The following ZBTB20 variants were observed in gnomAD, a reference collection of about 807,000 sequenced individuals.
ZBTB20 encodes zinc finger and BTB domain containing 20, also known as zinc finger and BTB domain-containing protein 20.
In ZBTB20, 9 loss-of-function variants were observed where a neutral mutation model predicts 56.9. That is an observed-to-expected ratio of 0.16 (90% CI 0.10 to 0.28). The LOEUF is 0.28. Ranked by LOEUF, ZBTB20 falls within the 10% of genes least tolerant of loss-of-function variation. The pLI is 1.00. For synonymous variants in ZBTB20, 417 were observed against 420.7 expected (o/e 0.99, Z 0.11); for missense variants, 655 against 1,003.0 (o/e 0.65, Z 4.69).
chr3:115,076,651 G>A (rs2082606372), intron 1 of ZBTB20, among the ~76,000 whole-genome samples: 1 of 152,158 alleles, frequency 6.6e-6, no homozygotes, highest in African/African-American at 2.4e-5. Flanking sequence ...TTTCATGGCT[G>A]TAACATCAAA....
chr3:114,434,264 ATCAAAATGTCTT>A (rs2090340376), intron 7 of ZBTB20, among the ~76,000 whole-genome samples: 1 of 152,140 alleles, frequency 6.6e-6, no homozygotes, highest in Admixed American at 6.5e-5. Context: ...CGGTAGGGGT[ATCAAAATGTCTT>A]TCAAAACAGC....
At chr3:115,022,383 G>GTA in intron 2 of ZBTB20, among the ~76,000 whole-genome samples, 1 of 150,968 alleles carries the variant, frequency 6.6e-6, no homozygotes, top group Non-Finnish European at 1.5e-5. Context: ...TCTTTAAACA[G>GTA]TATAGCTATT....
chr3:114,488,706 T>C (rs2042406110), intron 7 of ZBTB20, among the ~76,000 whole-genome samples: 1 of 152,212 alleles, frequency 6.6e-6, no homozygotes, highest in Non-Finnish European at 1.5e-5. Flanking sequence ...CTATAATTAA[T>C]TGATCCTAAG....
chr3:114,487,119 C>T (rs1021157989), intron 7 of ZBTB20, among the ~76,000 whole-genome samples: 3 of 152,132 alleles, frequency 2.0e-5, no homozygotes, highest in African/African-American at 7.2e-5. Context: ...CATTTAAAAT[C>T]TCCCTCGAAC....
chr3:114,876,712 C>G (rs2076214150), intron 4 of ZBTB20, among the ~76,000 whole-genome samples: 1 of 152,064 alleles, frequency 6.6e-6, no homozygotes. Flanking sequence ...TAATTTGGGA[C>G]TACAACATAA....
intron 5 of ZBTB20, among the ~76,000 whole-genome samples, chr3:114,749,568 A>AAAGGAAGGAAGGAAGG (rs71146333): frequency 0.018 from 2,423 of 135,922 alleles, 39 homozygotes; most frequent in Middle Eastern, 0.045. Context: ...GAAAGAAAGA[A>AAAGGAAGGAAGGAAGG]AAGGAAGGAA....
chr3:114,799,881 G>C (rs2071591268), intron 5 of ZBTB20, among the ~76,000 whole-genome samples: 1 of 151,838 alleles, frequency 6.6e-6, no homozygotes, highest in Non-Finnish European at 1.5e-5. Flanking sequence ...TCAGACCATA[G>C]GCAGAGACAT....
rs1326163414 is a variant in ZBTB20 at position 114,899,543 on chromosome 3, A to G, written c.-417+761T>C. Among the ~76,000 whole-genome samples, 3 of 152,172 alleles carry G rather than the reference A, an allele frequency of 2.0e-5. No individual in the cohort carries two copies. The East Asian group carries it at 5.8e-4, about 29-fold the overall frequency. On this transcript the variant is annotated intron_variant, in intron 4 of 11. Coordinates refer to ENST00000675478, the MANE Select transcript of ZBTB20 (RefSeq NM_001348800.3). Reference sequence around the variant, plus strand: ...ACAGCTACTAAAAAAAAAATATTTGAGTCATAAAACAGAGGATTTAAAGAA... The same window carrying G: ...ACAGCTACTAAAAAAAAAATATTTGGGTCATAAAACAGAGGATTTAAAGAA...
chr3:114,681,142 C>T (rs1342384133), intron 6 of ZBTB20, among the ~76,000 whole-genome samples: 1 of 149,702 alleles, frequency 6.7e-6, no homozygotes, highest in Non-Finnish European at 1.5e-5. Flanking sequence ...TAATTAAAAA[C>T]ATAACTGAGC....
At chr3:114,409,527 C>T (rs763524250) in intron 7 of ZBTB20, among the ~76,000 whole-genome samples, 2 of 151,878 alleles carry the variant, frequency 1.3e-5, no homozygotes, top group Non-Finnish European at 2.9e-5. Context: ...GGGGGACAGG[C>T]GAGAGCTCCA....
intron 4 of ZBTB20, among the ~76,000 whole-genome samples, chr3:114,850,747 T>G (rs2074960206): frequency 1.3e-5 from 2 of 152,188 alleles, no homozygotes; most frequent in African/African-American, 4.8e-5. Flanking sequence ...AAACTGTATA[T>G]TCCCTGAGGC....
At chr3:115,095,154 T>C (rs551545935) in intron 1 of ZBTB20, among the ~76,000 whole-genome samples, 1 of 152,114 alleles carries the variant, frequency 6.6e-6, no homozygotes, top group Non-Finnish European at 1.5e-5. Context: ...ACATTTTCTA[T>C]CAGAGTTTCA....
At chr3:114,996,462 G>C (rs2079032227) in intron 2 of ZBTB20, among the ~76,000 whole-genome samples, 2 of 151,780 alleles carry the variant, frequency 1.3e-5, no homozygotes, top group Admixed American at 1.3e-4. Context: ...GTGGTGTCTG[G>C]TTTTCTGTTC....
chr3:115,070,046 G>A (rs1275837607), intron 2 of ZBTB20, among the ~76,000 whole-genome samples: 1 of 151,976 alleles, frequency 6.6e-6, no homozygotes, highest in Non-Finnish European at 1.5e-5. Flanking sequence ...GCTATATAAA[G>A]TTTCATGTTT....
intron 11 of ZBTB20, among the ~76,000 whole-genome samples, chr3:114,343,696 A>G (rs1355588648): frequency 6.6e-6 from 1 of 152,222 alleles, no homozygotes; most frequent in Non-Finnish European, 1.5e-5. Context: ...AGATGGAATC[A>G]TATGGAGCTT....
Position 114,778,023 on chromosome 3 carries a change from C to T in ZBTB20, c.-343+23078G>A, listed in dbSNP as rs2069746515. On this transcript the variant is annotated intron_variant, in intron 5 of 11. Transcript: ENST00000675478. Reference sequence around the variant, plus strand: ...AAAAACCAAACACTGCATGTTCTCACTCATAGGTGGGAATTGAACAATGAG... The same window carrying T: ...AAAAACCAAACACTGCATGTTCTCATTCATAGGTGGGAATTGAACAATGAG... 1.4e-5 allele frequency among the ~76,000 whole-genome samples: 2 copies of T among 142,902 alleles called. 1 individual carries two copies. The highest frequency in any genetic ancestry group is 4.5e-4 in the South Asian group (2 of 4,468). 93.7% of individuals were successfully genotyped at this position (142,902 alleles called of 152,430 possible). A position where few individuals can be genotyped will look rare whatever the true frequency, so the allele number is the denominator to read the frequency against.
chr3:114,482,141 G>T (rs1335968933), intron 7 of ZBTB20, among the ~76,000 whole-genome samples: 1 of 152,148 alleles, frequency 6.6e-6, no homozygotes, highest in East Asian at 1.9e-4. Flanking sequence ...GCCCCAGCAT[G>T]ACCCAGAAGG....
chr3:114,816,764 A>G (rs1215076586), intron 4 of ZBTB20, among the ~76,000 whole-genome samples: 1 of 152,148 alleles, frequency 6.6e-6, no homozygotes, highest in Non-Finnish European at 1.5e-5. Flanking sequence ...AATAGTTCTA[A>G]AAATCAAGAC....
At position 114,669,781 on chromosome 3, in the gene ZBTB20, A is replaced by G. The variant is rs2061263288; in HGVS notation, c.-295+23747T>C. On this transcript the variant is annotated intron_variant, in intron 6 of 11. Transcript: ENST00000675478. ...ACATTTCTAATACAACTCCTCTCTG[A>G]AGACAAATCAGGCTAAAGCTAAGAG... Among the ~76,000 whole-genome samples the G allele has an allele frequency of 2.0e-5, 3 of 152,166 alleles. No individual in the cohort carries two copies. The South Asian group carries it at 6.2e-4, about 32-fold the overall frequency.
Sources: gnomAD v4.1 joint callset for allele counts (sites outside exome capture counted in the v4.1 genomes callset) on GRCh38, gnomAD v4.1.1 for gene constraint, MANE v1.5 for transcripts, NCBI Gene and HGNC (gene_info 2026-07-23, HGNC 2026-07-21) for gene names.